PPFIA2: variants seen among roughly 807,000 people sequenced by gnomAD.
PPFIA2 encodes PPFI scaffold protein A2, also known as liprin-alpha-2.
A neutral mutation model predicts 175.5 loss-of-function variants in PPFIA2; 46 were observed. The observed-to-expected ratio is 0.26, with a 90% CI of 0.21 to 0.34. The LOEUF (loss-of-function observed/expected upper bound fraction) is 0.34, where lower values mean the gene tolerates loss of function less well. Among genes scored for constraint, PPFIA2 ranks in the 10% least tolerant of loss-of-function variants. The probability of loss-of-function intolerance (pLI) is 1.00; values close to 1 mark genes in which losing one functional copy is unlikely to be tolerated. For synonymous variants in PPFIA2, 568 were observed against 511.4 expected (o/e 1.11, Z -1.49); for missense variants, 1,179 against 1,506.1 (o/e 0.78, Z 3.60).
chr12:81,401,882 C>A (rs1487654503), intron 8 of PPFIA2, among the ~76,000 whole-genome samples: 1 of 152,048 alleles, frequency 6.6e-6, no homozygotes, highest in East Asian at 1.9e-4. Context: ...TTATATTCTT[C>A]TCAATCAGTT....
intron 4 of PPFIA2, among the ~76,000 whole-genome samples, chr12:81,593,479 T>A (rs186063512): frequency 6.6e-6 from 1 of 152,224 alleles, no homozygotes; most frequent in Non-Finnish European, 1.5e-5. Flanking sequence ...TAAATTTTAA[T>A]AGGTAAATCA....
At chr12:81,489,691 T>C (rs1030333435) in intron 4 of PPFIA2, among the ~76,000 whole-genome samples, 1 of 151,960 alleles carries the variant, frequency 6.6e-6, no homozygotes, top group Admixed American at 6.6e-5. Flanking sequence ...TTCTATCAAG[T>C]ATAATCTTAG....
chr12:81,351,513 T>A (rs2059993495), intron 17 of PPFIA2, among the ~76,000 whole-genome samples: 2 of 152,030 alleles, frequency 1.3e-5, no homozygotes, highest in South Asian at 4.1e-4. Flanking sequence ...CTATAAGAAT[T>A]GTGTCTCAGT....
At chr12:81,555,504 C>T (rs1380733587) in intron 4 of PPFIA2, among the ~76,000 whole-genome samples, 2 of 151,836 alleles carry the variant, frequency 1.3e-5, no homozygotes, top group African/African-American at 4.8e-5. Flanking sequence ...CTTTATTATT[C>T]TGCAATTCTT....
At chr12:81,386,608 T>C (rs78829299) in intron 8 of PPFIA2, among the ~76,000 whole-genome samples, 4,524 of 151,406 alleles carry the variant, frequency 0.03, 212 homozygotes, top group African/African-American at 0.1. Flanking sequence ...GGTGAAAGAG[T>C]GAGGCTCTGA....
intron 4 of PPFIA2, chr12:81,472,824 G>A (rs1303233440): frequency 6.6e-6 from 1 of 152,170 alleles, no homozygotes; most frequent in Non-Finnish European, 1.5e-5. Flanking sequence ...TTTCTCTCCT[G>A]TTCCTAGGGG....
intron 4 of PPFIA2, among the ~76,000 whole-genome samples, chr12:81,633,933 A>C (rs2063692742): frequency 6.6e-6 from 1 of 151,742 alleles, no homozygotes; most frequent in South Asian, 2.1e-4. Context: ...CAGGTACTTA[A>C]AACTCTGTCA....
intron 3 of PPFIA2, among the ~76,000 whole-genome samples, chr12:81,678,396 G>A (rs2072989769): frequency 6.6e-6 from 1 of 151,766 alleles, no homozygotes; most frequent in Non-Finnish European, 1.5e-5. Flanking sequence ...GGATGAGCAT[G>A]TGATGGAAAC....
intron 7 of PPFIA2, chr12:81,431,201 T>A (rs1244709621): frequency 6.6e-6 from 1 of 152,232 alleles, no homozygotes; most frequent in Non-Finnish European, 1.5e-5. Context: ...TTTTTACAGG[T>A]GCTTCTGAAT....
chr12:81,630,900 T>TATATA (rs1491466516), intron 4 of PPFIA2, among the ~76,000 whole-genome samples: 119 of 40,610 alleles, frequency 2.9e-3, no homozygotes, highest in East Asian at 0.011. Flanking sequence ...TATATATATA[T>TATATA]TTTTTTTTTT....
At chr12:81,712,499 T>A (rs948543496) in intron 3 of PPFIA2, among the ~76,000 whole-genome samples, 1 of 151,244 alleles carries the variant, frequency 6.6e-6, no homozygotes, top group Non-Finnish European at 1.5e-5. Flanking sequence ...CAGTGTTGCC[T>A]AAGCTCCTAA....
At chr12:81,318,480 G>A (rs920960970) in intron 22 of PPFIA2, among the ~76,000 whole-genome samples, 5 of 151,680 alleles carry the variant, frequency 3.3e-5, no homozygotes, top group Admixed American at 2.6e-4. Context: ...GCTGGCTGCA[G>A]TATTATAAAA....
chr12:81,368,346 C>T (rs1429772485), intron 13 of PPFIA2, among the ~76,000 whole-genome samples: 1 of 151,658 alleles, frequency 6.6e-6, no homozygotes, highest in African/African-American at 2.4e-5. Context: ...AGGTATCAGT[C>T]ACTTGACACG....
At chr12:81,743,618 C>A (rs1338493889) in intron 3 of PPFIA2, among the ~76,000 whole-genome samples, 1 of 151,224 alleles carries the variant, frequency 6.6e-6, no homozygotes, top group East Asian at 1.9e-4. Flanking sequence ...ATAATGCAAA[C>A]GTTTTGTCCA....
intron 4 of PPFIA2, among the ~76,000 whole-genome samples, chr12:81,504,895 C>G (rs1024963655): frequency 6.6e-6 from 1 of 152,088 alleles, no homozygotes; most frequent in Non-Finnish European, 1.5e-5. Context: ...AACACAGGAA[C>G]AGAAAACCAA....
chr12:81,505,134 T>A (rs967551292), intron 4 of PPFIA2, among the ~76,000 whole-genome samples: 1 of 152,076 alleles, frequency 6.6e-6, no homozygotes, highest in Non-Finnish European at 1.5e-5. Context: ...GTAATCAGTA[T>A]TTTTGACAAG....
intron 4 of PPFIA2, among the ~76,000 whole-genome samples, chr12:81,630,899 ATTTT>A (rs56990168): frequency 2.8e-4 from 30 of 106,456 alleles, no homozygotes; most frequent in South Asian, 5.5e-4. Flanking sequence ...ATATATATAT[ATTTT>A]TTTTTTTTTT....
At chr12:81,288,287 G>A (rs1251303855) in intron 24 of PPFIA2, among the ~76,000 whole-genome samples, 2 of 151,744 alleles carry the variant, frequency 1.3e-5, no homozygotes, top group African/African-American at 4.8e-5. Context: ...ATGAGGTCCT[G>A]GGAGGCTATA....
intron 4 of PPFIA2, among the ~76,000 whole-genome samples, chr12:81,611,652 T>G (rs1455086659): frequency 6.6e-6 from 1 of 151,770 alleles, no homozygotes; most frequent in Non-Finnish European, 1.5e-5. Flanking sequence ...CGGTCACATC[T>G]GTTGCAAAGA....
Sources: allele counts gnomAD v4.1 joint callset (sites outside exome capture counted in the v4.1 genomes callset), GRCh38; gene constraint gnomAD v4.1.1; transcripts MANE v1.5; gene names NCBI Gene and HGNC (gene_info 2026-07-23, HGNC 2026-07-21).